GALNTL6: variants seen among roughly 807,000 people sequenced by gnomAD.
GALNTL6 encodes polypeptide N-acetylgalactosaminyltransferase-like 6.
In GALNTL6, 46 loss-of-function variants were observed where a neutral mutation model predicts 73.7. The observed-to-expected ratio is 0.62, with a 90% CI of 0.49 to 0.80. The LOEUF (loss-of-function observed/expected upper bound fraction) is 0.80. Among genes scored for constraint, GALNTL6 ranks in the 30% least tolerant of loss-of-function variants. The probability of loss-of-function intolerance (pLI) is 0.00; values close to 1 mark genes in which losing one functional copy is unlikely to be tolerated. For missense variants in GALNTL6, 604 were observed against 755.0 expected (o/e 0.80, Z 2.34); for synonymous variants, 259 against 263.7 (o/e 0.98, Z 0.17).
chr4:172,787,066 A>G (rs1739701842), intron 5 of GALNTL6, among the ~76,000 whole-genome samples: 1 of 152,156 alleles, frequency 6.6e-6, no homozygotes, highest in Admixed American at 6.5e-5. Context: ...ACTGCCATTC[A>G]ATCTATTTTC....
chr4:172,903,247 T>C (rs1427766526), intron 8 of GALNTL6, among the ~76,000 whole-genome samples: 1 of 152,178 alleles, frequency 6.6e-6, no homozygotes, highest in Non-Finnish European at 1.5e-5. Flanking sequence ...AAACCGTGTT[T>C]TCCTCTCCTT....
chr4:172,527,081 C>T (rs1211211828), intron 5 of GALNTL6, among the ~76,000 whole-genome samples: 1 of 152,072 alleles, frequency 6.6e-6, no homozygotes, highest in Non-Finnish European at 1.5e-5. Context: ...TAATTACATA[C>T]AGTATAACCA....
intron 5 of GALNTL6, among the ~76,000 whole-genome samples, chr4:172,760,529 T>A (rs1738022726): frequency 6.6e-6 from 1 of 152,214 alleles, no homozygotes; most frequent in African/African-American, 2.4e-5. Flanking sequence ...TGTGATGACC[T>A]CTTTTCTGCT....
At chr4:172,311,786 T>A in intron 4 of GALNTL6, 34 bp downstream of exon 4, 1 of 1,433,800 alleles carries the variant, frequency 7.0e-7, no homozygotes, top group African/African-American at 1.4e-5. Context: ...CAGGGTGGGT[T>A]TTTTTGGTTT....
chr4:172,937,068 C>T (rs1748656552), intron 9 of GALNTL6, among the ~76,000 whole-genome samples: 1 of 151,768 alleles, frequency 6.6e-6, no homozygotes, highest in African/African-American at 2.4e-5. Context: ...CAGAGAGTTA[C>T]GGAGGGTGTG....
intron 5 of GALNTL6, among the ~76,000 whole-genome samples, chr4:172,594,427 A>G (rs1487629533): frequency 2.0e-5 from 3 of 152,310 alleles, no homozygotes; most frequent in Admixed American, 2.0e-4. Context: ...TTGAACTCTT[A>G]TGTGATAAAT....
chr4:172,057,694 C>A (rs1731057004), intron 2 of GALNTL6, among the ~76,000 whole-genome samples: 1 of 102,818 alleles, frequency 9.7e-6, no homozygotes, highest in Admixed American at 1.3e-4. Context: ...TGACACAGAC[C>A]CTGTCTCAAA....
At chr4:172,882,370 T>C (rs945859522) in intron 7 of GALNTL6, among the ~76,000 whole-genome samples, 2 of 152,172 alleles carry the variant, frequency 1.3e-5, no homozygotes, top group African/African-American at 4.8e-5. Flanking sequence ...CTCAAAGATA[T>C]TGTCTACAAA....
At chr4:172,275,917 G>A (rs541073975) in intron 3 of GALNTL6, among the ~76,000 whole-genome samples, 6 of 152,266 alleles carry the variant, frequency 3.9e-5, no homozygotes, top group East Asian at 1.9e-4. Flanking sequence ...AGTTTGTGCC[G>A]CTGCACTCCA....
At chr4:172,575,041 C>G (rs1172127131) in intron 5 of GALNTL6, among the ~76,000 whole-genome samples, 1 of 152,138 alleles carries the variant, frequency 6.6e-6, no homozygotes, top group Middle Eastern at 3.4e-3. Flanking sequence ...GGCTCCATCA[C>G]GACTGTGTGT....
At chr4:172,735,863 T>G (rs1736428642) in intron 5 of GALNTL6, among the ~76,000 whole-genome samples, 1 of 152,096 alleles carries the variant, frequency 6.6e-6, no homozygotes, top group African/African-American at 2.4e-5. Context: ...AGAGAGAAAT[T>G]TTACAGCTGG....
chr4:173,039,611 T>A lies in GALNTL6; in HGVS notation c.1639-322T>A, dbSNP rs9992194. On this transcript the variant is annotated intron_variant, in intron 12 of 12. Coordinates refer to ENST00000506823, the MANE Select transcript of GALNTL6 (RefSeq NM_001034845.3). ...CCCATATACTTACTATTTTCAAAATTTAAGCAGATAGCAAAAAGCTCACCA... is the reference window on the plus strand; with the variant it reads ...CCCATATACTTACTATTTTCAAAATATAAGCAGATAGCAAAAAGCTCACCA... 2.0e-5 allele frequency among the ~76,000 whole-genome samples: 3 copies of A among 151,908 alleles called. 1 individual carries two copies. In the East Asian group the frequency reaches 5.8e-4, roughly 29 times the overall value.
intron 5 of GALNTL6, among the ~76,000 whole-genome samples, chr4:172,728,250 CT>C (rs1208399070): frequency 6.6e-6 from 1 of 152,104 alleles, no homozygotes; most frequent in Non-Finnish European, 1.5e-5. Context: ...CATTTATATC[CT>C]TCTTCCTTTT....
intron 3 of GALNTL6, among the ~76,000 whole-genome samples, chr4:172,241,525 C>A (rs1471485199): frequency 6.6e-6 from 1 of 152,110 alleles, no homozygotes; most frequent in Non-Finnish European, 1.5e-5. Context: ...TCAAAGAAAT[C>A]CAGAGTTTTT....
At chr4:172,427,337 C>T (rs1389684149) in intron 5 of GALNTL6, among the ~76,000 whole-genome samples, 1 of 152,082 alleles carries the variant, frequency 6.6e-6, no homozygotes, top group Non-Finnish European at 1.5e-5. Context: ...GGGGAACTCT[C>T]CTTTATAAAA....
intron 2 of GALNTL6, among the ~76,000 whole-genome samples, chr4:172,060,408 T>C (rs1033556912): frequency 6.6e-5 from 10 of 152,206 alleles, no homozygotes; most frequent in Admixed American, 4.6e-4. Context: ...AATGAAATGT[T>C]AGAAATAATT....
intron 10 of GALNTL6, among the ~76,000 whole-genome samples, chr4:172,975,246 C>T (rs952452739): frequency 6.6e-6 from 1 of 152,104 alleles, no homozygotes; most frequent in South Asian, 2.1e-4. Flanking sequence ...GTGAGTAGCT[C>T]CTATCTGCAG....
chr4:172,079,833 C>G (rs183983540), intron 2 of GALNTL6, among the ~76,000 whole-genome samples: 1 of 148,280 alleles, frequency 6.7e-6, no homozygotes, highest in Admixed American at 6.7e-5. Flanking sequence ...GAACACAACA[C>G]TTTTTTTTTT....
chr4:171,919,763 C>A (rs1392947079), intron 2 of GALNTL6, among the ~76,000 whole-genome samples: 1 of 152,098 alleles, frequency 6.6e-6, no homozygotes, highest in South Asian at 2.1e-4. Flanking sequence ...ACCACCTCTA[C>A]CCAACACTAC....
Sources: gnomAD v4.1 joint callset for allele counts (sites outside exome capture counted in the v4.1 genomes callset) on GRCh38, gnomAD v4.1.1 for gene constraint, MANE v1.5 for transcripts, NCBI Gene and HGNC (gene_info 2026-07-23, HGNC 2026-07-21) for gene names.